Variants in SPTA1 observed in about 807,000 individuals in gnomAD.
SPTA1 encodes spectrin alpha chain, erythrocytic 1.
In SPTA1, 177 loss-of-function variants were observed where a neutral mutation model predicts 324.7. The ratio of observed to expected loss-of-function variants is 0.55; its 90% confidence interval spans 0.48 to 0.62. SPTA1 has a LOEUF of 0.62. SPTA1 is among the 20% of genes least tolerant of loss of function. SPTA1 has a pLI of 0.00. For synonymous variants in SPTA1, 1,195 were observed against 1,041.3 expected, an observed-to-expected ratio of 1.15 and a Z score of -2.84; for missense variants, 3,162 against 2,883.6, an observed-to-expected ratio of 1.10 and a Z score of -2.21.
Position 158,626,185 on chromosome 1 carries a change from A to T in SPTA1, c.5871T>A (p.Gly1957=). The T allele has an allele frequency of 6.2e-7, 1 of 1,613,804 alleles. No homozygotes were observed. The highest frequency in any genetic ancestry group is 1.1e-5 in the South Asian group (1 of 91,078). The change falls in exon 42 of 52, where the codon GGT becomes GGA. Residue 1957 remains glycine (G), a synonymous_variant. Coordinates refer to ENST00000643759, the MANE Select transcript of SPTA1 (RefSeq NM_003126.4). ...KETSLKTNGN[G]ADLGDFLTLL... ...GAGTGAGGAAGTCACCAAGGTCTGCACCATTGCCATTGGTCTTTAGGCTTG... is the reference window on the plus strand; with the variant it reads ...GAGTGAGGAAGTCACCAAGGTCTGCTCCATTGCCATTGGTCTTTAGGCTTG...
Position 158,659,600 on chromosome 1 carries a change from T to A in SPTA1, c.2587+1687A>T, listed in dbSNP as rs1005292097. Among the ~76,000 whole-genome samples the A allele has an allele frequency of 8.9e-4, 11 of 12,348 alleles. 3 individuals are homozygous for A. The highest frequency in any genetic ancestry group is 1.4e-3 in the Non-Finnish European group (11 of 8,094). 8.1% of individuals were successfully genotyped at this position (12,348 alleles called of 152,430 possible). A position where few individuals can be genotyped will look rare whatever the true frequency, so the allele number is the denominator to read the frequency against. ...AAAATAATAGTCTTAGCATTATTTT[T>A]TTTTTTTTTTTTTTTTTTTTTGAGA... On this transcript the variant is annotated intron_variant, in intron 18 of 51. Coordinates refer to ENST00000643759, the MANE Select transcript of SPTA1 (RefSeq NM_003126.4).
Position 158,657,697 on chromosome 1 carries a change from A to G in SPTA1, c.2588-3T>C, listed in dbSNP as rs375142282. The G allele has an allele frequency of 5.9e-5, 96 of 1,613,804 alleles. No individual in the cohort carries two copies. The highest frequency in any genetic ancestry group is 7.5e-5 in the Non-Finnish European group (89 of 1,179,868). ...CACATCTTCTGCAGCAAAGTGTCCTATGGAGTAATTATAGAAAAGGTGAGT... is the reference window on the plus strand; with the variant it reads ...CACATCTTCTGCAGCAAAGTGTCCTGTGGAGTAATTATAGAAAAGGTGAGT... On this transcript the variant is annotated splice_polypyrimidine_tract_variant and splice_region_variant and intron_variant, in intron 18 of 51. Transcript: ENST00000643759.
At chr1:158,666,045 A>G (rs1249972784) in intron 16 of SPTA1, among the ~76,000 whole-genome samples, 2 of 152,060 alleles carry the variant, frequency 1.3e-5, no homozygotes, top group Non-Finnish European at 1.5e-5. Context: ...GCTAGATTGG[A>G]GGAGATTTTG....
intron 31 of SPTA1, 119 bp downstream of exon 31, chr1:158,643,203 G>C (rs529832946): frequency 1.2e-5 from 15 of 1,275,458 alleles, no homozygotes; most frequent in Non-Finnish European, 1.7e-5. Context: ...TAGGTGTCAA[G>C]ATAGTTTTAG....
rs577486980 is a variant in SPTA1 at position 158,682,338 on chromosome 1, C to A, written c.391-671G>T. Among the ~76,000 whole-genome samples the A allele has an allele frequency of 2.0e-5, 3 of 152,276 alleles. No individual in the cohort carries two copies. The South Asian group carries it at 6.2e-4, about 32-fold the overall frequency. ...GGACCACATATGTCGTTAAACCCCG[C>A]AATGGTACCATTTGCTATAGCCCCA... On this transcript the variant is annotated intron_variant, in intron 3 of 51. Coordinates refer to ENST00000643759, the MANE Select transcript of SPTA1 (RefSeq NM_003126.4).
chr1:158,684,427 T>A (rs1479159427), intron 2 of SPTA1, among the ~76,000 whole-genome samples: 2 of 152,136 alleles, frequency 1.3e-5, no homozygotes, highest in Admixed American at 6.6e-5. Flanking sequence ...AAAAATCACA[T>A]GGTTTGTCAG....
At position 158,648,734 on chromosome 1, in the gene SPTA1, A is replaced by T; in HGVS notation, c.3570-81T>A. ...TAGTGGGGGTCACAAGAAAGTTATC[A>T]TCACTACCACTCACCATCCTCCCAC... On this transcript the variant is annotated intron_variant, in intron 25 of 51. Coordinates refer to ENST00000643759, the MANE Select transcript of SPTA1 (RefSeq NM_003126.4). The T allele has an allele frequency of 3.3e-6, 5 of 1,502,918 alleles. No homozygotes were observed. The South Asian group carries it at 5.8e-5, about 17-fold the overall frequency. The allele number at this position is 1,502,918 out of a possible 1,614,324, so 93.1% of individuals were successfully genotyped here. A position where few individuals can be genotyped will look rare whatever the true frequency, so the allele number is the denominator to read the frequency against.
At position 158,617,557 on chromosome 1, in the gene SPTA1, A is replaced by G. The variant is rs1439206085; in HGVS notation, c.6580T>C (p.Ser2194Pro). Reference sequence around the variant, plus strand: ...CTTACTTTATTTGCTTCCAGCTGAGATTCCAGAGTTCCTGTTTCTTTGAGC... The same window carrying G: ...CTTACTTTATTTGCTTCCAGCTGAGGTTCCAGAGTTCCTGTTTCTTTGAGC... Reference protein sequence around the residue: ...SLLKETGTLESQLEANKRKQK... With the variant: ...SLLKETGTLEPQLEANKRKQK... The change falls in exon 47 of 52, where the codon TCT becomes CCT. Residue 2194 changes from serine (S) to proline (P), a missense_variant. Coordinates refer to ENST00000643759, the MANE Select transcript of SPTA1 (RefSeq NM_003126.4). The G allele has an allele frequency of 6.2e-7, 1 of 1,613,486 alleles. No homozygotes were observed.
Position 158,620,439 on chromosome 1 carries a change from G to A in SPTA1, c.6148C>T (p.His2050Tyr), listed in dbSNP as rs762210731. 21 of 1,613,114 alleles carry A rather than the reference G, an allele frequency of 1.3e-5. No homozygotes were observed. Among genetic ancestry groups the A allele is most frequent in the South Asian group, 5.5e-5 (5 of 91,040 alleles). The change falls in exon 44 of 52, where the codon CAT becomes TAT. Residue 2050 changes from histidine (H) to tyrosine (Y), a missense_variant. Physicochemically the swap from His to Tyr is moderately conservative, Grantham distance 83. Transcript: ENST00000643759. ...CAGTTGTTCAAAGCTGAAGCCTTAT[G>A]TGCAAATTCCACGAACAGGTCCTCA... ...KAEDLFVEFA[H>Y]KASALNNWCE...
intron 43 of SPTA1, among the ~76,000 whole-genome samples, chr1:158,622,026 G>A (rs895477517): frequency 2.0e-5 from 3 of 152,048 alleles, no homozygotes; most frequent in Admixed American, 6.5e-5. Context: ...CACCACGCCC[G>A]GCTAATTTTT....
At chr1:158,669,896 G>A (rs1653889308) in intron 12 of SPTA1, 110 bp from the exon 13 acceptor site, 7 of 1,035,546 alleles carry the variant, frequency 6.8e-6, no homozygotes, top group Non-Finnish European at 1.1e-5. Flanking sequence ...GGGAGGAGAA[G>A]TTTGAAGGCC....
intron 47 of SPTA1, among the ~76,000 whole-genome samples, chr1:158,615,844 C>T (rs910192526): frequency 2.6e-5 from 4 of 152,182 alleles, no homozygotes; most frequent in Non-Finnish European, 4.4e-5. Flanking sequence ...CTGATTGTGG[C>T]TGAGCTCTCA....
At chr1:158,627,036 T>C (rs974071589) in intron 40 of SPTA1, 29 bp from the exon 41 acceptor site, 2 of 1,612,906 alleles carry the variant, frequency 1.2e-6, no homozygotes, top group Admixed American at 1.7e-5. Flanking sequence ...CAAATATATT[T>C]ATAATGTGCA....
chr1:158,635,579 C>A (rs949078582), intron 38 of SPTA1, among the ~76,000 whole-genome samples: 1 of 152,054 alleles, frequency 6.6e-6, no homozygotes, highest in African/African-American at 2.4e-5. Flanking sequence ...TTACTAAGGG[C>A]TGATTATAAT....
chr1:158,648,901 G>A (rs1652206810), intron 25 of SPTA1, among the ~76,000 whole-genome samples: 1 of 152,056 alleles, frequency 6.6e-6, no homozygotes, highest in South Asian at 2.1e-4. Flanking sequence ...ACTAAAGAGG[G>A]TAAGTATTTT....
At chr1:158,654,434 T>C (rs987454996) in intron 21 of SPTA1, among the ~76,000 whole-genome samples, 177 bp downstream of exon 21, 2 of 152,194 alleles carry the variant, frequency 1.3e-5, no homozygotes. Context: ...CCAAAAGATA[T>C]GTGTAGGATC....
At chr1:158,625,596 C>A (rs1650216638) in intron 42 of SPTA1, among the ~76,000 whole-genome samples, 1 of 151,112 alleles carries the variant, frequency 6.6e-6, no homozygotes, top group Non-Finnish European at 1.5e-5. Flanking sequence ...TGAGAAAAGT[C>A]CCAAATATTT....
chr1:158,642,827 G>A lies in SPTA1; in HGVS notation c.4592C>T (p.Ala1531Val). The A allele has an allele frequency of 1.9e-6, 3 of 1,613,844 alleles. No homozygotes were observed. The South Asian group carries it at 3.3e-5, about 18-fold the overall frequency. ...TTTTGAACTTGCCTGAATGTTAGTG[G>A]CGTCTTTGTAGGATTCATCACAGGC... ...PTACDESYKD[A>V]TNIQRKYLKH... The change falls in exon 32 of 52, where the codon GCC becomes GTC. Residue 1531 changes from alanine to valine, a missense_variant. By Grantham distance (64) the Ala-to-Val change is moderately conservative (BLOSUM62 0). Transcript: ENST00000643759.
At position 158,662,849 on chromosome 1, in the gene SPTA1, A is replaced by C; in HGVS notation, c.2317T>G (p.Cys773Gly). Reference sequence around the variant, plus strand: ...GGCTCTTTCAGAGCTTCAAATCGGCATACCAAGGACTCTTGCCTTGCCCTT... The same window carrying C: ...GGCTCTTTCAGAGCTTCAAATCGGCCTACCAAGGACTCTTGCCTTGCCCTT... ...DIRARQESLV[C>G]RFEALKEPLA... The change falls in exon 17 of 52, where the codon TGC becomes GGC. Residue 773 changes from cysteine to glycine, a missense_variant. Cys to Gly is a radical substitution (Grantham distance 159). Transcript: ENST00000643759. The C allele has an allele frequency of 3.7e-6, 6 of 1,614,130 alleles. No individual in the cohort carries two copies. The highest frequency in any genetic ancestry group is 2.2e-5 in the South Asian group (2 of 91,084).
Sources: gnomAD v4.1 joint callset for allele counts (sites outside exome capture counted in the v4.1 genomes callset) on GRCh38, gnomAD v4.1.1 for gene constraint, MANE v1.5 for transcripts, NCBI Gene and HGNC (gene_info 2026-07-23, HGNC 2026-07-21) for gene names.